RCOR1: variants seen among roughly 807,000 people sequenced by gnomAD.
The protein encoded by RCOR1 is REST corepressor 1.
A neutral mutation model predicts 64.0 loss-of-function variants in RCOR1; 12 were observed. That is an observed-to-expected ratio of 0.19 (90% CI 0.12 to 0.30). The LOEUF (loss-of-function observed/expected upper bound fraction) is 0.30. Among genes scored for constraint, RCOR1 ranks in the 10% least tolerant of loss-of-function variants. The pLI is 1.00. For missense variants in RCOR1, 502 were observed against 621.2 expected, an observed-to-expected ratio of 0.81 and a Z score of 2.04; for synonymous variants, 279 against 227.2, an observed-to-expected ratio of 1.23 and a Z score of -2.05.
At chr14:102,633,354 T>C (rs1355213238) in intron 2 of RCOR1, among the ~76,000 whole-genome samples, 1 of 152,062 alleles carries the variant, frequency 6.6e-6, no homozygotes, top group Admixed American at 6.6e-5. Context: ...TTTTCTAATA[T>C]TAAAAAAATT....
intron 11 of RCOR1, among the ~76,000 whole-genome samples, chr14:102,723,560 T>G (rs1417547469): frequency 6.6e-6 from 1 of 152,248 alleles, no homozygotes; most frequent in African/African-American, 2.4e-5. Context: ...TCAGTACCCC[T>G]GAATCACCCC....
chr14:102,636,548 C>T (rs1894241828), intron 2 of RCOR1, among the ~76,000 whole-genome samples: 1 of 152,060 alleles, frequency 6.6e-6, no homozygotes, highest in Non-Finnish European at 1.5e-5. Flanking sequence ...TCCCAAAGTG[C>T]TGAGAATACA....
chr14:102,650,386 A>ATGGGTGGGTGGG (rs571574186), intron 2 of RCOR1, among the ~76,000 whole-genome samples: 1 of 23,432 alleles, frequency 4.3e-5, no homozygotes. Context: ...AAATGGATGG[A>ATGGGTGGGTGGG]TGGGTGGGTG....
intron 4 of RCOR1, among the ~76,000 whole-genome samples, chr14:102,706,114 CAAAAA>C (rs71119732): frequency 5.2e-4 from 11 of 21,330 alleles, no homozygotes; most frequent in Non-Finnish European, 6.7e-4. Context: ...AACCCTGTCT[CAAAAA>C]AAAAAAAAAA....
intron 11 of RCOR1, among the ~76,000 whole-genome samples, 179 bp downstream of exon 11, chr14:102,722,595 A>G (rs960442932): frequency 6.6e-6 from 1 of 152,208 alleles, no homozygotes; most frequent in African/African-American, 2.4e-5. Flanking sequence ...TGGTGCCTGT[A>G]TATTATTCAC....
At chr14:102,655,986 C>CGT (rs1894715666) in intron 2 of RCOR1, 5 of 963,452 alleles carry the variant, frequency 5.2e-6, no homozygotes, top group Non-Finnish European at 6.2e-6. Context: ...CACACACACA[C>CGT]ACGTGAAATA....
In RCOR1 at chr14:102,592,682, A is replaced by T. The variant is rs1257192280; in HGVS notation, c.-205A>T. The T allele has an allele frequency of 1.6e-6, 2 of 1,223,592 alleles. No individual in the cohort carries two copies. Among genetic ancestry groups the T allele is most frequent in the African/African-American group, 1.6e-5 (1 of 63,512 alleles). The allele number at this position is 1,223,592 out of a possible 1,614,324, so 75.8% of individuals were successfully genotyped here. ...TGAAGTGAGGGCGGCGATGAGAGCG[A>T]AAGTTGCGCTCGGCTCGTCGCTGGG... is the stretch of plus-strand genomic sequence containing the variant. On this transcript the variant is annotated 5_prime_UTR_variant, in exon 1 of 12. The change creates a premature stop within an existing upstream ORF in the 5' untranslated region. Coordinates refer to ENST00000262241, the MANE Select transcript of RCOR1 (RefSeq NM_015156.4).
At chr14:102,641,959 A>C (rs1894378963) in intron 2 of RCOR1, among the ~76,000 whole-genome samples, 1 of 152,150 alleles carries the variant, frequency 6.6e-6, no homozygotes, top group Non-Finnish European at 1.5e-5. Flanking sequence ...AGCAGCACTG[A>C]ATCTGCATGT....
intron 2 of RCOR1, among the ~76,000 whole-genome samples, chr14:102,612,960 A>C (rs1221133795): frequency 2.0e-5 from 3 of 147,166 alleles, no homozygotes; most frequent in African/African-American, 7.4e-5. Context: ...TCTCTTAGCA[A>C]AAAAAAAAAA....
chr14:102,692,005 C>T (rs1323922707), intron 3 of RCOR1, among the ~76,000 whole-genome samples: 2 of 152,168 alleles, frequency 1.3e-5, no homozygotes, highest in Non-Finnish European at 2.9e-5. Context: ...CAGCAAAATG[C>T]AGAATTTATT....
intron 7 of RCOR1, among the ~76,000 whole-genome samples, chr14:102,711,347 A>G (rs1895953189): frequency 6.6e-6 from 1 of 152,202 alleles, no homozygotes; most frequent in South Asian, 2.1e-4. Flanking sequence ...TAGGGTCTCC[A>G]TTCACGCTAT....
chr14:102,655,907 C>A, intron 2 of RCOR1: 1 of 857,896 alleles, frequency 1.2e-6, no homozygotes, highest in Admixed American at 6.3e-5. Flanking sequence ...CAGTCGAGAT[C>A]GCGCCACTGC....
intron 7 of RCOR1, among the ~76,000 whole-genome samples, chr14:102,712,091 C>T (rs949399466): frequency 2.0e-5 from 3 of 152,038 alleles, no homozygotes; most frequent in African/African-American, 2.4e-5. Context: ...TCACTGCAGC[C>T]GCCAACTCCT....
At chr14:102,677,170 C>T (rs1444589976) in intron 2 of RCOR1, among the ~76,000 whole-genome samples, 1 of 137,282 alleles carries the variant, frequency 7.3e-6, no homozygotes, top group African/African-American at 2.7e-5. Context: ...GACCCCCCCC[C>T]ACCTCCCTCC....
At chr14:102,609,406 C>T (rs941903768) in intron 2 of RCOR1, among the ~76,000 whole-genome samples, 1 of 151,938 alleles carries the variant, frequency 6.6e-6, no homozygotes. Context: ...TTTTATACTC[C>T]ATGATTAACG....
intron 2 of RCOR1, among the ~76,000 whole-genome samples, chr14:102,604,603 C>T (rs545735550): frequency 2.8e-4 from 42 of 152,232 alleles, no homozygotes; most frequent in Non-Finnish European, 5.9e-5. Context: ...AATAACTTGC[C>T]GTGGTAATCC....
At chr14:102,653,998 T>TCTTTCTTTGTTTC (rs1595214214) in intron 2 of RCOR1, among the ~76,000 whole-genome samples, 1 of 126,588 alleles carries the variant, frequency 7.9e-6, no homozygotes, top group African/African-American at 3.3e-5. Context: ...TTTTTTTTTT[T>TCTTTCTTTGTTTC]TTTTTGAGAC....
chr14:102,613,922 C>T (rs1471034737), intron 2 of RCOR1, among the ~76,000 whole-genome samples: 3 of 101,118 alleles, frequency 3.0e-5, no homozygotes, highest in East Asian at 3.1e-4. Context: ...GACAGAGTTT[C>T]GCTGTTGTTG....
chr14:102,597,859 C>G (rs1307357550), intron 2 of RCOR1, among the ~76,000 whole-genome samples: 1 of 149,386 alleles, frequency 6.7e-6, no homozygotes, highest in African/African-American at 2.5e-5. Flanking sequence ...TCTTGTTGCT[C>G]AGGCTGGGGT....
Sources: allele counts gnomAD v4.1 joint callset (sites outside exome capture counted in the v4.1 genomes callset), GRCh38; gene constraint gnomAD v4.1.1; transcripts MANE v1.5; gene names NCBI Gene and HGNC (gene_info 2026-07-23, HGNC 2026-07-21).